The following CTNNA2 variants were observed in gnomAD, a reference collection of about 807,000 sequenced individuals.
CTNNA2 encodes the protein catenin alpha-2.
Under a neutral mutation model 101.0 loss-of-function variants are expected in CTNNA2, and 42 were observed. The observed-to-expected ratio is 0.42, with a 90% CI of 0.32 to 0.54. CTNNA2 has a LOEUF of 0.54. CTNNA2 is among the 20% of genes least tolerant of loss of function. The pLI is 0.14. For missense variants in CTNNA2, 871 were observed against 1,223.1 expected (o/e 0.71, Z 4.29); for synonymous variants, 450 against 456.4 (o/e 0.99, Z 0.18).
At chr2:79,508,827 G>T (rs1671467796), upstream of CTNNA2, among the ~76,000 whole-genome samples, 1 of 151,162 alleles carries the variant, frequency 6.6e-6, no homozygotes, top group Non-Finnish European at 1.5e-5. Flanking sequence ...CTAGAATATG[G>T]TACATTCTAC....
intron 4 of CTNNA2, among the ~76,000 whole-genome samples, chr2:79,374,951 T>A (rs1189741646): frequency 6.6e-6 from 1 of 152,144 alleles, no homozygotes; most frequent in African/African-American, 2.4e-5. Flanking sequence ...AATGCTTGAA[T>A]TATTAACAGA....
intron 1 of CTNNA2, among the ~76,000 whole-genome samples, chr2:79,188,860 T>G (rs1156703676): frequency 1.3e-5 from 2 of 152,194 alleles, no homozygotes; most frequent in Admixed American, 6.6e-5. Flanking sequence ...TCAGTCAAAA[T>G]TACCCTCCAC....
chr2:80,334,654 T>C (rs893557849), intron 7 of CTNNA2, among the ~76,000 whole-genome samples: 1 of 152,246 alleles, frequency 6.6e-6, no homozygotes, highest in Admixed American at 6.5e-5. Flanking sequence ...GTGATTGCTT[T>C]GCCCTTCTTT....
intron 1 of CTNNA2, among the ~76,000 whole-genome samples, chr2:79,625,155 A>T (rs1171983015): frequency 6.6e-6 from 1 of 152,156 alleles, no homozygotes; most frequent in Non-Finnish European, 1.5e-5. Flanking sequence ...AACTTTAAGT[A>T]CTTCAGTGTT....
intron 3 of CTNNA2, among the ~76,000 whole-genome samples, chr2:79,844,145 C>T (rs1680029952): frequency 6.6e-6 from 1 of 152,104 alleles, no homozygotes; most frequent in African/African-American, 2.4e-5. Context: ...AGGAAATAAA[C>T]ACTAAGAAGC....
At chr2:79,230,598 C>T (rs1470285134) in intron 2 of CTNNA2, among the ~76,000 whole-genome samples, 1 of 152,234 alleles carries the variant, frequency 6.6e-6, no homozygotes, top group African/African-American at 2.4e-5. Flanking sequence ...AGCCCCCACA[C>T]AGAGTCCATA....
chr2:79,901,212 G>GT (rs144702167), intron 6 of CTNNA2, among the ~76,000 whole-genome samples: 3,180 of 142,942 alleles, frequency 0.022, 63 homozygotes, highest in African/African-American at 0.058. Flanking sequence ...TTCTCTTTCA[G>GT]TTTTTTTTTT....
chr2:80,121,691 T>G (rs1381377940), intron 7 of CTNNA2, among the ~76,000 whole-genome samples: 1 of 152,174 alleles, frequency 6.6e-6, no homozygotes, highest in Admixed American at 6.5e-5. Context: ...GACATATTCC[T>G]TCTTGATCAC....
intron 7 of CTNNA2, among the ~76,000 whole-genome samples, chr2:80,244,520 C>T (rs77542901): frequency 0.021 from 3,208 of 152,176 alleles, 115 homozygotes; most frequent in African/African-American, 0.073. Flanking sequence ...GGCCTGGGCA[C>T]GTGAAGTAAC....
chr2:80,261,073 T>G (rs1406614425), intron 7 of CTNNA2, among the ~76,000 whole-genome samples: 2 of 152,224 alleles, frequency 1.3e-5, no homozygotes, highest in African/African-American at 4.8e-5. Context: ...TTCCAGTGCT[T>G]GCATTTTGAT....
At chr2:80,504,277 G>A (rs578211353) in intron 9 of CTNNA2, among the ~76,000 whole-genome samples, 1 of 152,102 alleles carries the variant, frequency 6.6e-6, no homozygotes, top group Non-Finnish European at 1.5e-5. Context: ...GTTCCCACCC[G>A]ATGTTCCTTG....
At chr2:80,053,695 T>G (rs1697029403) in intron 7 of CTNNA2, among the ~76,000 whole-genome samples, 1 of 152,204 alleles carries the variant, frequency 6.6e-6, no homozygotes, top group South Asian at 2.1e-4. Context: ...TGCCTGAAAT[T>G]CCACACTTAC....
At chr2:79,979,797 C>A (rs991410984) in intron 7 of CTNNA2, among the ~76,000 whole-genome samples, 2 of 151,896 alleles carry the variant, frequency 1.3e-5, no homozygotes, top group Non-Finnish European at 2.9e-5. Flanking sequence ...AGTATCAGAC[C>A]GCATATTTAA....
chr2:79,864,102 T>C (rs1454325084), intron 4 of CTNNA2, among the ~76,000 whole-genome samples: 1 of 152,164 alleles, frequency 6.6e-6, no homozygotes, highest in Admixed American at 6.5e-5. Flanking sequence ...AAAGGAGTAA[T>C]ATTTCAGCGG....
intron 7 of CTNNA2, among the ~76,000 whole-genome samples, chr2:80,381,226 C>T (rs899567936): frequency 4.6e-5 from 7 of 151,386 alleles, no homozygotes; most frequent in Admixed American, 1.3e-4. Context: ...TTTGAGAAGT[C>T]GAGGAAGAGC....
chr2:80,018,616 C>A lies in CTNNA2; in HGVS notation c.1056+108819C>A, dbSNP rs148344574. On this transcript the variant is annotated intron_variant, in intron 7 of 18. Transcript: ENST00000402739. Reference sequence around the variant, plus strand: ...ACAGTGAAACCCTGTCTCTACTAAACAGAAAATACAAAAAATTAGCCGGGC... The same window carrying A: ...ACAGTGAAACCCTGTCTCTACTAAAAAGAAAATACAAAAAATTAGCCGGGC... Among the ~76,000 whole-genome samples the A allele has an allele frequency of 6.0e-3, 911 of 151,912 alleles. 7 individuals carry two copies. The highest frequency in any genetic ancestry group is 0.021 in the African/African-American group (870 of 41,434).
At chr2:80,522,979 A>G (rs1234630592) in intron 9 of CTNNA2, among the ~76,000 whole-genome samples, 1 of 152,134 alleles carries the variant, frequency 6.6e-6, no homozygotes, top group Non-Finnish European at 1.5e-5. Context: ...ATTTGGGGTG[A>G]TTGTGCACTG....
intron 7 of CTNNA2, among the ~76,000 whole-genome samples, chr2:80,121,823 G>A (rs1324303194): frequency 6.6e-6 from 1 of 152,202 alleles, no homozygotes; most frequent in East Asian, 1.9e-4. Context: ...TGGTAAACCT[G>A]GTCCGATGGG....
intron 7 of CTNNA2, among the ~76,000 whole-genome samples, chr2:80,381,065 A>G (rs917504839): frequency 3.9e-5 from 6 of 151,992 alleles, no homozygotes; most frequent in African/African-American, 1.4e-4. Flanking sequence ...TACTAGTATG[A>G]CAGACTCCAA....
Sources: allele counts gnomAD v4.1 joint callset (sites outside exome capture counted in the v4.1 genomes callset), GRCh38; gene constraint gnomAD v4.1.1; transcripts MANE v1.5; gene names NCBI Gene and HGNC (gene_info 2026-07-23, HGNC 2026-07-21).